STPG2: variants seen among roughly 807,000 people sequenced by gnomAD.
The protein encoded by STPG2 is sperm tail PG-rich repeat containing 2.
Under a neutral mutation model 54.2 loss-of-function variants are expected in STPG2, and 56 were observed. The observed-to-expected ratio is 1.03, with a 90% CI of 0.83 to 1.29. The LOEUF (loss-of-function observed/expected upper bound fraction) is 1.29. STPG2 is among the 50% of genes most tolerant of loss of function. The pLI, the probability that STPG2 is intolerant of heterozygous loss-of-function variation, is 0.00. For missense variants in STPG2, 596 were observed against 544.9 expected, an observed-to-expected ratio of 1.09 and a Z score of -0.93; for synonymous variants, 200 against 181.8, an observed-to-expected ratio of 1.10 and a Z score of -0.81.
intron 4 of STPG2, among the ~76,000 whole-genome samples, chr4:97,462,611 C>G (rs560324563): frequency 6.6e-6 from 1 of 151,798 alleles, no homozygotes; most frequent in South Asian, 2.1e-4. Context: ...GTTTGGAGGT[C>G]TTGTGCATCT....
chr4:97,463,914 G>A (rs977685939), intron 4 of STPG2, among the ~76,000 whole-genome samples: 5 of 152,050 alleles, frequency 3.3e-5, no homozygotes, highest in African/African-American at 1.2e-4. Context: ...ATTACATTTA[G>A]TAGATCAGGT....
chr4:98,121,967 G>A (rs564622418), intron 3 of STPG2, among the ~76,000 whole-genome samples: 5 of 152,094 alleles, frequency 3.3e-5, no homozygotes, highest in African/African-American at 4.8e-5. Context: ...TGATCCACCC[G>A]CATCAGCCTC....
intron 8 of STPG2, among the ~76,000 whole-genome samples, chr4:97,903,686 A>G (rs145047550): frequency 0.011 from 1,744 of 152,314 alleles, 30 homozygotes; most frequent in African/African-American, 0.04. Flanking sequence ...CATCTGAGGT[A>G]CTGGGTTCAT....
At chr4:97,454,022 G>A (rs1011164708) in intron 4 of STPG2, among the ~76,000 whole-genome samples, 1 of 152,044 alleles carries the variant, frequency 6.6e-6, no homozygotes, top group African/African-American at 2.4e-5. Context: ...TCCTAGATCT[G>A]AAGGAGACTA....
intron 10 of STPG2, among the ~76,000 whole-genome samples, chr4:97,680,140 G>A (rs1722986908): frequency 6.6e-6 from 1 of 150,802 alleles, no homozygotes; most frequent in South Asian, 2.1e-4. Flanking sequence ...GAACTTGAAA[G>A]TAGTTTTTTC....
intron 4 of STPG2, among the ~76,000 whole-genome samples, chr4:97,449,603 A>G (rs1050994048): frequency 2.0e-5 from 3 of 152,200 alleles, no homozygotes; most frequent in Non-Finnish European, 4.4e-5. Flanking sequence ...TGTGATATGT[A>G]TTAGTCCTAA....
chr4:97,448,396 C>A (rs1014184499), intron 4 of STPG2, among the ~76,000 whole-genome samples: 2 of 152,186 alleles, frequency 1.3e-5, no homozygotes, highest in South Asian at 4.2e-4. Flanking sequence ...TGTGTCCCCA[C>A]CGAAATCTCA....
chr4:97,630,785 G>GT (rs1357587117), intron 10 of STPG2, among the ~76,000 whole-genome samples: 2 of 151,466 alleles, frequency 1.3e-5, no homozygotes, highest in Non-Finnish European at 3.0e-5. Context: ...TCTCATGTTT[G>GT]TTTTTTTAAT....
At chr4:97,980,614 A>G (rs950953960) in intron 6 of STPG2, among the ~76,000 whole-genome samples, 18 of 152,212 alleles carry the variant, frequency 1.2e-4, no homozygotes, top group Non-Finnish European at 2.4e-4. Flanking sequence ...CCTTCTAGCC[A>G]TCCCACAAAA....
intron 9 of STPG2, among the ~76,000 whole-genome samples, chr4:97,762,743 G>T (rs145952860): frequency 2.0e-5 from 3 of 152,026 alleles, no homozygotes; most frequent in African/African-American, 7.2e-5. Flanking sequence ...AGTCATTCAA[G>T]AATGCTTTGA....
chr4:97,985,622 T>A (rs1272430492), intron 5 of STPG2, among the ~76,000 whole-genome samples: 2 of 152,206 alleles, frequency 1.3e-5, no homozygotes, highest in Non-Finnish European at 2.9e-5. Context: ...CTTATATGTA[T>A]CTATTCATAT....
intron 10 of STPG2, among the ~76,000 whole-genome samples, chr4:97,678,049 G>C (rs1441928773): frequency 6.6e-6 from 1 of 151,826 alleles, no homozygotes; most frequent in East Asian, 1.9e-4. Flanking sequence ...TTCTTTAAAT[G>C]TTTTGTAGAT....
At chr4:97,480,356 A>T (rs1314907964) in intron 4 of STPG2, among the ~76,000 whole-genome samples, 1 of 151,610 alleles carries the variant, frequency 6.6e-6, no homozygotes, top group African/African-American at 2.4e-5. Context: ...GGAGGCACAG[A>T]TTGCTTCAGT....
intron 4 of STPG2, among the ~76,000 whole-genome samples, chr4:97,516,390 T>C (rs1731075764): frequency 6.6e-6 from 1 of 152,160 alleles, no homozygotes; most frequent in South Asian, 2.1e-4. Flanking sequence ...ATGCACAGTG[T>C]ACCATACTAC....
intron 4 of STPG2, among the ~76,000 whole-genome samples, chr4:97,459,163 T>C (rs1485711188): frequency 1.3e-5 from 2 of 152,044 alleles, no homozygotes; most frequent in South Asian, 2.1e-4. Context: ...TATAAATATA[T>C]GTGTATCACT....
chr4:98,016,507 C>G (rs141346344), intron 5 of STPG2, among the ~76,000 whole-genome samples: 1,561 of 152,142 alleles, frequency 0.01, 31 homozygotes, highest in African/African-American at 0.036. Context: ...TTTGAGTTCA[C>G]TGATTTTTGT....
At chr4:97,627,149 T>C (rs1734156038) in intron 10 of STPG2, among the ~76,000 whole-genome samples, 1 of 152,124 alleles carries the variant, frequency 6.6e-6, no homozygotes, top group Non-Finnish European at 1.5e-5. Context: ...CCTGTCCTTC[T>C]CTTCCAATCT....
intron 10 of STPG2, among the ~76,000 whole-genome samples, chr4:97,695,784 T>C (rs997821370): frequency 4.7e-5 from 7 of 149,624 alleles, no homozygotes; most frequent in East Asian, 3.9e-4. Flanking sequence ...CTTAGGAATA[T>C]ATCTAACCAA....
At chr4:97,888,792 A>G (rs1469872879) in intron 8 of STPG2, among the ~76,000 whole-genome samples, 1 of 152,166 alleles carries the variant, frequency 6.6e-6, no homozygotes, top group Non-Finnish European at 1.5e-5. Context: ...CCCTGCCCAA[A>G]TATCATGTCA....
Sources: allele counts gnomAD v4.1 joint callset (sites outside exome capture counted in the v4.1 genomes callset), GRCh38; gene constraint gnomAD v4.1.1; transcripts MANE v1.5; gene names NCBI Gene and HGNC (gene_info 2026-07-23, HGNC 2026-07-21).